Variants in TCF19 observed in about 807,000 individuals in gnomAD.
TCF19 encodes transcription factor 19.
Under a neutral mutation model 18.3 loss-of-function variants are expected in TCF19, and 9 were observed. The ratio of observed to expected loss-of-function variants is 0.49; its 90% CI spans 0.30 to 0.86. The LOEUF is 0.86. Ranked by LOEUF, TCF19 falls within the 40% of genes least tolerant of loss-of-function variation. The pLI is 0.07. For synonymous variants in TCF19, 176 were observed against 185.3 expected (o/e 0.95, Z 0.41); for missense variants, 376 against 464.3 (o/e 0.81, Z 1.75).
At position 31,162,325 on chromosome 6, in the gene TCF19, T is replaced by G. The variant is rs1301204071; in HGVS notation, c.798-152T>G. On this transcript the variant is annotated intron_variant, in intron 3 of 3. Coordinates refer to ENST00000376257, the MANE Select transcript of TCF19 (RefSeq NM_007109.3). The surrounding 1 kb of genome is among the most constrained non-coding windows in gnomAD (Gnocchi z 4.5). Reference sequence around the variant, plus strand: ...ATACTAGAGGTTTTTAGGCCCACCCTATGTGTTTTTAAGGACAGAGTCCAG... The same window carrying G: ...ATACTAGAGGTTTTTAGGCCCACCCGATGTGTTTTTAAGGACAGAGTCCAG... The G allele has an allele frequency of 3.6e-5, 42 of 1,162,778 alleles. No homozygotes were observed. The highest frequency in any genetic ancestry group is 2.2e-4 in the Middle Eastern group (1 of 4,586). The allele number at this position is 1,162,778 out of a possible 1,614,324, so 72.0% of individuals were successfully genotyped here. A position where few individuals can be genotyped will look rare whatever the true frequency, so the allele number is the denominator to read the frequency against.
In TCF19 at chr6:31,159,617, C is replaced by T. The variant is rs772696026; in HGVS notation, c.148C>T (p.Pro50Ser). Reference sequence around the variant, plus strand: ...TGTGGCCCTGCGGCCCCAGCAGGAGCCTGGCCTCATCTCTGGGATCCACGC... The same window carrying T: ...TGTGGCCCTGCGGCCCCAGCAGGAGTCTGGCCTCATCTCTGGGATCCACGC... The part of the protein sequence containing the change: ...CDVALRPQQE[P>S]GLISGIHAEL... The change falls in exon 2 of 4, where the codon CCT (proline) becomes TCT (serine). Residue 50 changes from proline (P) to serine (S), a missense_variant. By Grantham distance (74) the Pro-to-Ser change is moderately conservative (BLOSUM62 -1). Transcript: ENST00000376257. 15 of 1,613,582 alleles carry T rather than the reference C, an allele frequency of 9.3e-6. No individual in the cohort carries two copies. Among genetic ancestry groups the T allele is most frequent in the Non-Finnish European group, 1.3e-5 (15 of 1,180,048 alleles).
chr6:31,159,771 G>A, intron 2 of TCF19, 64 bp downstream of exon 2: 3 of 1,549,368 alleles, frequency 1.9e-6, no homozygotes, highest in Non-Finnish European at 2.7e-6. Context: ...AATGAGTAAG[G>A]TCTCCACAAG....
At position 31,162,516 on chromosome 6, in the gene TCF19, TC is replaced by T; in HGVS notation, c.840del (p.Met281TrpfsTer79). The T allele has an allele frequency of 6.2e-7, 1 of 1,612,442 alleles. No individual in the cohort carries two copies. Among genetic ancestry groups the T allele is most frequent in the South Asian group, 1.1e-5 (1 of 91,014 alleles). ...GTCCTCGGAAGTACCCAGTGAGCGC[TC>T]CCATGGCTCCCCCTGCAGTTGGGGG... ...GRPRKYPVSA[P>X]MAPPAVGGGE... On this transcript the variant is annotated frameshift_variant, in exon 4 of 4. Transcript: ENST00000376257. LOFTEE classifies it high-confidence loss of function. This position sits in a 1 kb window ranked among gnomAD's most constrained non-coding sequence, Gnocchi z 4.5.
rs1776915017 is a variant in TCF19, at chr6:31,163,137, C to A, written c.*420C>A. ...GAAAACCTAGGGCCTGGCCCCAAAA[C>A]TTCCCTACTCTGTGGCTAGTCCTGC... On this transcript the variant is annotated 3_prime_UTR_variant, in exon 4 of 4. Coordinates refer to ENST00000376257, the MANE Select transcript of TCF19 (RefSeq NM_007109.3). 1.9e-6 allele frequency: 2 copies of A among 1,027,066 alleles called. No homozygotes were observed. Among genetic ancestry groups the A allele is most frequent in the Non-Finnish European group, 2.3e-6 (2 of 855,644 alleles). The allele number at this position is 1,027,066 out of a possible 1,614,324, so 63.6% of individuals were successfully genotyped here. A position where few individuals can be genotyped will look rare whatever the true frequency, so the allele number is the denominator to read the frequency against.
At chr6:31,159,828 C>A in intron 2 of TCF19, 121 bp downstream of exon 2, 1 of 1,006,034 alleles carries the variant, frequency 9.9e-7, no homozygotes, top group East Asian at 2.6e-5. Context: ...GATGGATGGT[C>A]GTGGTCCAGA....
Position 31,161,794 on chromosome 6 carries a change from TGG to T in TCF19, c.589_590del (p.Gly197TrpfsTer39). On this transcript the variant is annotated frameshift_variant, in exon 3 of 4. Transcript: ENST00000376257. LOFTEE classifies it high-confidence loss of function. ...RPQPLTFSPS[W>X]GGPKSLPVPA... ...CCAGCCCCTCACCTTCTCCCCTAGTTGGGGTGGACCAAAGAGCCTGCCTGTTC... is the reference window on the plus strand; with the variant it reads ...CCAGCCCCTCACCTTCTCCCCTAGTTGGTGGACCAAAGAGCCTGCCTGTTC... The T allele has an allele frequency of 6.2e-7, 1 of 1,610,210 alleles. No homozygotes were observed. The highest frequency in any genetic ancestry group is 8.5e-7 in the Non-Finnish European group (1 of 1,178,398).
chr6:31,159,449 G>A lies in TCF19; in HGVS notation c.-21G>A. On this transcript the variant is annotated 5_prime_UTR_variant, in exon 2 of 4. Coordinates refer to ENST00000376257, the MANE Select transcript of TCF19 (RefSeq NM_007109.3). The stretch of plus-strand genomic sequence containing the variant: ...AATGGATGCCTGAAGTGGAAGAGGT[G>A]GTGCAGAGGGGGCACCGCCCATGCT... 6.5e-7 allele frequency: 1 copy of A among 1,530,882 alleles called. No individual in the cohort carries two copies. Among genetic ancestry groups the A allele is most frequent in the Non-Finnish European group, 8.8e-7 (1 of 1,132,378 alleles). The allele number at this position is 1,530,882 out of a possible 1,614,324, so 94.8% of individuals were successfully genotyped here. A position where few individuals can be genotyped will look rare whatever the true frequency, so the allele number is the denominator to read the frequency against.
Position 31,161,910 on chromosome 6 carries a change from GGAT to G in TCF19, c.708_710del (p.Asp236del), listed in dbSNP as rs754835344. 7 of 1,612,914 alleles carry G rather than the reference GGAT, an allele frequency of 4.3e-6. No individual in the cohort carries two copies. In the South Asian group the frequency reaches 5.5e-5, roughly 13 times the overall value. ...CTGTTCACCGAGTGTTGGCGGAACT[GGAT>G]GATGAGAGTGAGCCTCCTGAGAACC... On this transcript the variant is annotated inframe_deletion, in exon 3 of 4. Coordinates refer to ENST00000376257, the MANE Select transcript of TCF19 (RefSeq NM_007109.3).
In TCF19 at chr6:31,159,408, C is replaced by T; in HGVS notation, c.-62C>T. On this transcript the variant is annotated 5_prime_UTR_variant, in exon 2 of 4. Transcript: ENST00000376257. Reference sequence around the variant, plus strand: ...GAACTTAAGCCAGCGGTGCGTGGCCCAGGAGTGGGAAAGGAAATGGATGCC... The same window carrying T: ...GAACTTAAGCCAGCGGTGCGTGGCCTAGGAGTGGGAAAGGAAATGGATGCC... 7.1e-7 allele frequency: 1 copy of T among 1,414,550 alleles called. No homozygotes were observed. Among genetic ancestry groups the T allele is most frequent in the Non-Finnish European group, 9.5e-7 (1 of 1,050,146 alleles). 87.6% of individuals were successfully genotyped at this position (1,414,550 alleles called of 1,614,324 possible). A position where few individuals can be genotyped will look rare whatever the true frequency, so the allele number is the denominator to read the frequency against.
chr6:31,163,616 G>C lies in TCF19; in HGVS notation c.*899G>C. ...TGTGACACAGCTCCACTCCACGGGT[G>C]GACACAGCAGAGGGCAACTGGGCTG... On this transcript the variant is annotated 3_prime_UTR_variant, in exon 4 of 4. Transcript: ENST00000376257. The C allele has an allele frequency of 3.0e-6, 3 of 985,470 alleles. No individual in the cohort carries two copies. The highest frequency in any genetic ancestry group is 3.6e-6 in the Non-Finnish European group (3 of 829,992). 61.0% of individuals were successfully genotyped at this position (985,470 alleles called of 1,614,324 possible).
chr6:31,164,068 C>A lies in TCF19; in HGVS notation c.*1351C>A. The A allele has an allele frequency of 9.9e-7, 1 of 1,012,784 alleles. No individual in the cohort carries two copies. Among genetic ancestry groups the A allele is most frequent in the Admixed American group, 5.4e-5 (1 of 18,628 alleles). 62.7% of individuals were successfully genotyped at this position (1,012,784 alleles called of 1,614,324 possible). On this transcript the variant is annotated 3_prime_UTR_variant, in exon 4 of 4. Coordinates refer to ENST00000376257, the MANE Select transcript of TCF19 (RefSeq NM_007109.3). ...TAAGTATAAAGCCATTTAAGAATTCCAGAGTAGGGTGGGAAAGCAAAAAGC... is the reference window on the plus strand; with the variant it reads ...TAAGTATAAAGCCATTTAAGAATTCAAGAGTAGGGTGGGAAAGCAAAAAGC...
At position 31,162,827 on chromosome 6, in the gene TCF19, C is replaced by T; in HGVS notation, c.*110C>T. ...CCCTTCCCTCCCCAGGAGGGAATGA[C>T]TACAGGGAAGAAGGATGGATTGATG... On this transcript the variant is annotated 3_prime_UTR_variant, in exon 4 of 4. Coordinates refer to ENST00000376257, the MANE Select transcript of TCF19 (RefSeq NM_007109.3). This position sits in a 1 kb window ranked among gnomAD's most constrained non-coding sequence, Gnocchi z 4.5. The T allele has an allele frequency of 6.8e-7, 1 of 1,477,408 alleles. No individual in the cohort carries two copies. The highest frequency in any genetic ancestry group is 1.4e-5 in the South Asian group (1 of 74,004). The allele number at this position is 1,477,408 out of a possible 1,614,324, so 91.5% of individuals were successfully genotyped here.
chr6:31,163,592 G>A lies in TCF19; in HGVS notation c.*875G>A. ...ACAGCAGTTTACCAGTGTGATGGCT[G>A]TGACACAGCTCCACTCCACGGGTGG... On this transcript the variant is annotated 3_prime_UTR_variant, in exon 4 of 4. Coordinates refer to ENST00000376257, the MANE Select transcript of TCF19 (RefSeq NM_007109.3). The A allele has an allele frequency of 1.0e-6, 1 of 985,532 alleles. No individual in the cohort carries two copies. The highest frequency in any genetic ancestry group is 1.2e-6 in the Non-Finnish European group (1 of 829,972). The allele number at this position is 985,532 out of a possible 1,614,324, so 61.0% of individuals were successfully genotyped here.
Position 31,159,490 on chromosome 6 carries a change from GC to G in TCF19, c.22del (p.Leu8CysfsTer3). 6.3e-7 allele frequency: 1 copy of G among 1,580,628 alleles called. No homozygotes were observed. Among genetic ancestry groups the G allele is most frequent in the Non-Finnish European group, 8.6e-7 (1 of 1,163,922 alleles). MLPCFQL[L>X]RIGGGRGGDL... ...CGCCCATGCTGCCCTGCTTCCAACT[GC>G]TGCGCATAGGGGGCGGCAGGGGCGG... On this transcript the variant is annotated frameshift_variant, in exon 2 of 4. Coordinates refer to ENST00000376257, the MANE Select transcript of TCF19 (RefSeq NM_007109.3). LOFTEE classifies it high-confidence loss of function.
chr6:31,162,674 C>T lies in TCF19; in HGVS notation c.995C>T (p.Ala332Val). ...VGCSIQAAREADFRCPGCRAG... is the reference protein window; with the variant it reads ...VGCSIQAAREVDFRCPGCRAG... ...TGCAGCATCCAGGCTGCCAGGGAGG[C>T]CGACTTCCGATGCCCAGGGTGCCGG... Residue 332 changes from alanine (A) to valine (V), a missense_variant, in exon 4 of 4, where the codon GCC (alanine) becomes GTC (valine). Ala to Val is a moderately conservative substitution (Grantham distance 64). Transcript: ENST00000376257. The surrounding 1 kb of genome is among the most constrained non-coding windows in gnomAD (Gnocchi z 4.5). The T allele has an allele frequency of 6.2e-7, 1 of 1,612,512 alleles. No homozygotes were observed.
Position 31,162,754 on chromosome 6 carries a change from A to G in TCF19, c.*37A>G, listed in dbSNP as rs370483501. On this transcript the variant is annotated 3_prime_UTR_variant, in exon 4 of 4. Coordinates refer to ENST00000376257, the MANE Select transcript of TCF19 (RefSeq NM_007109.3). The surrounding 1 kb of genome is among the most constrained non-coding windows in gnomAD (Gnocchi z 4.5). Reference sequence around the variant, plus strand: ...AAGGCACCATCGGACACACCTGCCCATGAGTAGACACAGCAGCGAGCAAAT... The same window carrying G: ...AAGGCACCATCGGACACACCTGCCCGTGAGTAGACACAGCAGCGAGCAAAT... 2 of 1,601,948 alleles carry G rather than the reference A, an allele frequency of 1.2e-6. No homozygotes were observed. Among genetic ancestry groups the G allele is most frequent in the African/African-American group, 2.7e-5 (2 of 74,820 alleles).
intron 2 of TCF19, 109 bp downstream of exon 2, chr6:31,159,816 T>C (rs1776637970): frequency 1.7e-6 from 2 of 1,144,230 alleles, no homozygotes; most frequent in Non-Finnish European, 2.5e-6. Context: ...CCCATCAGAT[T>C]GGATGGATGG....
At chr6:31,159,798 C>A (rs777993500) in intron 2 of TCF19, 91 bp downstream of exon 2, 172 of 1,276,890 alleles carry the variant, frequency 1.3e-4, no homozygotes, top group Non-Finnish European at 1.9e-4. Context: ...CTGCCTGCCT[C>A]CCATACTCCC....
chr6:31,162,109 G>C lies in TCF19; in HGVS notation c.797+104G>C. ...CCCCTGCCTGGGGGGATGGGCACGG[G>C]AGGTGGAATAGATGGAATGGCAAGA... On this transcript the variant is annotated intron_variant, in intron 3 of 3. Coordinates refer to ENST00000376257, the MANE Select transcript of TCF19 (RefSeq NM_007109.3). The surrounding 1 kb of genome is among the most constrained non-coding windows in gnomAD (Gnocchi z 4.5). 2 of 1,287,364 alleles carry C rather than the reference G, an allele frequency of 1.6e-6. No individual in the cohort carries two copies. The highest frequency in any genetic ancestry group is 2.1e-6 in the Non-Finnish European group (2 of 951,786). The allele number at this position is 1,287,364 out of a possible 1,614,324, so 79.7% of individuals were successfully genotyped here.
Sources: allele counts gnomAD v4.1 joint callset, GRCh38; gene constraint gnomAD v4.1.1; non-coding constraint Gnocchi (gnomAD v3.1); transcripts MANE v1.5; gene names NCBI Gene and HGNC (gene_info 2026-07-23, HGNC 2026-07-21).